The following TCF7L2 variants were observed in gnomAD, a reference collection of about 807,000 sequenced individuals.
The protein encoded by TCF7L2 is transcription factor 7-like 2.
In TCF7L2, 23 loss-of-function variants were observed where a neutral mutation model predicts 77.9. The observed-to-expected ratio is 0.30, with a 90% CI of 0.21 to 0.42. TCF7L2 has a LOEUF of 0.42. TCF7L2 is among the 10% of genes least tolerant of loss of function. The probability of loss-of-function intolerance (pLI) is 1.00; values close to 1 mark genes in which losing one functional copy is unlikely to be tolerated. For synonymous variants in TCF7L2, 413 were observed against 340.2 expected (o/e 1.21, Z -2.36); for missense variants, 654 against 793.1 (o/e 0.82, Z 2.11).
intron 5 of TCF7L2, among the ~76,000 whole-genome samples, chr10:113,120,654 G>A (rs972793805): frequency 1.3e-5 from 2 of 152,102 alleles, no homozygotes; most frequent in African/African-American, 4.8e-5. Flanking sequence ...ACGTAGGAGG[G>A]TGTTATGAAA....
intron 5 of TCF7L2, among the ~76,000 whole-genome samples, chr10:113,117,096 G>C (rs548441085): frequency 1.3e-5 from 2 of 152,312 alleles, no homozygotes; most frequent in African/African-American, 4.8e-5. Flanking sequence ...TTAGGTTTTA[G>C]AAAGTTGAGG....
rs544343306 is a variant in TCF7L2, at chr10:113,162,709, A to C, written c.1391+2018A>C. On this transcript the variant is annotated intron_variant, in intron 13 of 13. Transcript: ENST00000627217. ...GTCTCAGCAGTGTTCAGACTTTCCCAGCAGATATTTTTCTTTGTTGGTGAC... is the reference window on the plus strand; with the variant it reads ...GTCTCAGCAGTGTTCAGACTTTCCCCGCAGATATTTTTCTTTGTTGGTGAC... Among the ~76,000 whole-genome samples the C allele has an allele frequency of 2.2e-4, 34 of 152,280 alleles. No individual in the cohort carries two copies. In the South Asian group the frequency reaches 4.4e-3, roughly 19 times the overall value.
chr10:113,088,239 G>A (rs1430718770), intron 5 of TCF7L2, among the ~76,000 whole-genome samples: 2 of 151,776 alleles, frequency 1.3e-5, no homozygotes, highest in African/African-American at 4.8e-5. Flanking sequence ...CTTGTTTATA[G>A]AGCCTGTTTA....
Position 113,151,028 on chromosome 10 carries a change from T to C in TCF7L2, c.906T>C (p.His302=), listed in dbSNP as rs1182292772. 6.2e-7 allele frequency: 1 copy of C among 1,614,080 alleles called. No individual in the cohort carries two copies. ...CTCCCCATATGGTCCCACCACATCA[T>C]ACGCTACACACGACGGGCATTCCGC... The change falls in exon 9 of 14, where the codon CAT becomes CAC. Residue 302 remains histidine (H), a synonymous_variant. Transcript: ENST00000627217. This position sits in a 1 kb window ranked among gnomAD's most constrained non-coding sequence, Gnocchi z 5.2.
At chr10:113,075,660 G>C (rs1237133444) in intron 5 of TCF7L2, among the ~76,000 whole-genome samples, 1 of 152,178 alleles carries the variant, frequency 6.6e-6, no homozygotes, top group Non-Finnish European at 1.5e-5. Context: ...TTCTCAAGCT[G>C]TGAAAGGTCT....
chr10:113,040,153 T>G (rs370143964), intron 5 of TCF7L2, 27 bp downstream of exon 5: 5 of 1,597,722 alleles, frequency 3.1e-6, no homozygotes, highest in Non-Finnish European at 3.4e-6. Context: ...AGATGATGGC[T>G]TCCTTTATTG....
At position 113,061,831 on chromosome 10, in the gene TCF7L2, A is replaced by G. The variant is rs117579321; in HGVS notation, c.552+21705A>G. Among the ~76,000 whole-genome samples the G allele has an allele frequency of 5.1e-4, 77 of 152,294 alleles. 1 individual carries two copies. The East Asian group carries it at 0.01, about 20-fold the overall frequency. On this transcript the variant is annotated intron_variant, in intron 5 of 13. Transcript: ENST00000627217. Reference sequence around the variant, plus strand: ...GCAGGTGAGGAGTTAAAAGTTGGCAACGCCTGCCCTCTCGAGAGTGTCAGG... The same window carrying G: ...GCAGGTGAGGAGTTAAAAGTTGGCAGCGCCTGCCCTCTCGAGAGTGTCAGG...
At chr10:112,980,399 C>T (rs1390604603) in intron 4 of TCF7L2, among the ~76,000 whole-genome samples, 2 of 152,108 alleles carry the variant, frequency 1.3e-5, no homozygotes, top group Admixed American at 6.5e-5. Context: ...AAATATATAG[C>T]AAAAGACCCA....
chr10:113,091,789 G>T (rs1295237728), intron 5 of TCF7L2, among the ~76,000 whole-genome samples: 2 of 152,222 alleles, frequency 1.3e-5, no homozygotes, highest in South Asian at 2.1e-4. Flanking sequence ...GCATGTTCTT[G>T]GGCCACGCCT....
chr10:113,089,125 C>T (rs2060118975), intron 5 of TCF7L2, among the ~76,000 whole-genome samples: 1 of 152,020 alleles, frequency 6.6e-6, no homozygotes, highest in Admixed American at 6.6e-5. Context: ...GGAGGCCATG[C>T]CCATTAGGAG....
At chr10:113,135,229 T>A (rs924171061) in intron 5 of TCF7L2, among the ~76,000 whole-genome samples, 1 of 152,192 alleles carries the variant, frequency 6.6e-6, no homozygotes, top group Admixed American at 6.5e-5. Flanking sequence ...ATGGCCAAGT[T>A]GCAGAGCGCT....
intron 4 of TCF7L2, among the ~76,000 whole-genome samples, chr10:113,029,629 C>A (rs888500910): frequency 1.3e-5 from 2 of 150,844 alleles, no homozygotes; most frequent in Non-Finnish European, 2.9e-5. Context: ...TGGGTTCAAG[C>A]GATTCTCCTG....
intron 4 of TCF7L2, among the ~76,000 whole-genome samples, chr10:112,996,427 T>G (rs910233998): frequency 6.6e-6 from 1 of 152,002 alleles, no homozygotes; most frequent in African/African-American, 2.4e-5. Context: ...CTAAAGGAAA[T>G]ATTTTATGGA....
intron 3 of TCF7L2, among the ~76,000 whole-genome samples, chr10:112,963,931 T>C (rs2035904353): frequency 6.6e-6 from 1 of 152,042 alleles, no homozygotes. Context: ...TGGGGAAGTG[T>C]GGATTACTAG....
At chr10:113,070,187 C>G (rs372840657) in intron 5 of TCF7L2, among the ~76,000 whole-genome samples, 1 of 149,890 alleles carries the variant, frequency 6.7e-6, no homozygotes, top group Non-Finnish European at 1.5e-5. Context: ...ACCAGTGAGT[C>G]GGAGGTTGCA....
At chr10:113,085,931 A>G (rs1438364509) in intron 5 of TCF7L2, among the ~76,000 whole-genome samples, 2 of 152,242 alleles carry the variant, frequency 1.3e-5, no homozygotes, top group Admixed American at 6.5e-5. Flanking sequence ...ATGAAATGAC[A>G]TGAAATAGCT....
chr10:113,096,138 G>T (rs569360866), intron 5 of TCF7L2, among the ~76,000 whole-genome samples: 2 of 152,160 alleles, frequency 1.3e-5, no homozygotes, highest in Non-Finnish European at 2.9e-5. Flanking sequence ...TCCCATATGA[G>T]AATATGCAGT....
chr10:113,127,085 T>C, intron 5 of TCF7L2: 1 of 243,950 alleles, frequency 4.1e-6, no homozygotes, highest in Non-Finnish European at 6.6e-6. Context: ...AGTAGATTTA[T>C]TTTTTTTAGC....
At chr10:113,093,875 C>G (rs2060649766) in intron 5 of TCF7L2, among the ~76,000 whole-genome samples, 1 of 152,168 alleles carries the variant, frequency 6.6e-6, no homozygotes, top group Admixed American at 6.5e-5. Context: ...ATACCATTTT[C>G]ACGGAAATAC....
Sources: gnomAD v4.1 joint callset for allele counts (sites outside exome capture counted in the v4.1 genomes callset) on GRCh38, gnomAD v4.1.1 for gene constraint, Gnocchi (gnomAD v3.1) non-coding constraint, MANE v1.5 for transcripts, NCBI Gene and HGNC (gene_info 2026-07-23, HGNC 2026-07-21) for gene names.